Variants in DACH1 observed in about 807,000 individuals in gnomAD.
DACH1 encodes dachshund family transcription factor 1.
In DACH1, 12 loss-of-function variants were observed where a neutral mutation model predicts 54.2. The ratio of observed to expected loss-of-function variants is 0.22; its 90% CI spans 0.14 to 0.36. The LOEUF (loss-of-function observed/expected upper bound fraction) is 0.36. Ranked by LOEUF, DACH1 falls within the 10% of genes least tolerant of loss-of-function variation. DACH1 has a pLI of 1.00. For synonymous variants in DACH1, 386 were observed against 366.2 expected, an observed-to-expected ratio of 1.05 and a Z score of -0.62; for missense variants, 805 against 929.8, an observed-to-expected ratio of 0.87 and a Z score of 1.75.
chr13:71,632,255 G>C (rs1054264907), intron 2 of DACH1, among the ~76,000 whole-genome samples: 1 of 151,982 alleles, frequency 6.6e-6, no homozygotes, highest in African/African-American at 2.4e-5. Context: ...TTGAGCAGGG[G>C]AGTGGTTTGT....
intron 4 of DACH1, among the ~76,000 whole-genome samples, chr13:71,570,756 C>T (rs1256826060): frequency 6.6e-6 from 1 of 152,068 alleles, no homozygotes; most frequent in African/African-American, 2.4e-5. Context: ...TCTAGGAAAA[C>T]ACAGGAATGT....
chr13:71,636,762 A>G (rs1877516674), intron 2 of DACH1, among the ~76,000 whole-genome samples: 1 of 151,942 alleles, frequency 6.6e-6, no homozygotes, highest in South Asian at 2.1e-4. Flanking sequence ...GGTGCAATGT[A>G]TTTAGATTTC....
chr13:71,692,132 T>G (rs1247448590), intron 1 of DACH1, among the ~76,000 whole-genome samples: 2 of 152,090 alleles, frequency 1.3e-5, no homozygotes, highest in Non-Finnish European at 1.5e-5. Flanking sequence ...TAAAAGGTCA[T>G]TTATTAAAGA....
At position 71,867,005 on chromosome 13, in the gene DACH1, T is replaced by C. The variant is rs1204112801; in HGVS notation, c.-236A>G. Reference sequence around the variant, plus strand: ...CTCTGGAGAGGAACGCACAAAAGTGTCCCGCAAGTCGAAATGCGAGTCCTC... The same window carrying C: ...CTCTGGAGAGGAACGCACAAAAGTGCCCCGCAAGTCGAAATGCGAGTCCTC... On this transcript the variant is annotated 5_prime_UTR_variant, in exon 1 of 11. Transcript: ENST00000613252. 2.7e-5 allele frequency: 4 copies of C among 146,092 alleles called. No homozygotes were observed. Among genetic ancestry groups the C allele is most frequent in the Non-Finnish European group, 4.0e-5 (3 of 75,430 alleles). The allele number at this position is 146,092 out of a possible 1,614,324, so 9.0% of individuals were successfully genotyped here. A position where few individuals can be genotyped will look rare whatever the true frequency, so the allele number is the denominator to read the frequency against.
chr13:71,828,306 G>A (rs991214751), intron 1 of DACH1, among the ~76,000 whole-genome samples: 1 of 151,934 alleles, frequency 6.6e-6, no homozygotes, highest in Non-Finnish European at 1.5e-5. Flanking sequence ...ACAGGGTAAC[G>A]GAAAGGCTCG....
intron 1 of DACH1, among the ~76,000 whole-genome samples, chr13:71,726,243 A>T (rs1883464025): frequency 1.3e-5 from 2 of 152,260 alleles, no homozygotes; most frequent in South Asian, 4.1e-4. Flanking sequence ...TAATAGGGGA[A>T]AATGTGAATT....
At chr13:71,671,300 A>G (rs1284075993) in intron 2 of DACH1, among the ~76,000 whole-genome samples, 1 of 152,048 alleles carries the variant, frequency 6.6e-6, no homozygotes, top group African/African-American at 2.4e-5. Context: ...TTGGAAAAAA[A>G]AAAGTATCCG....
intron 10 of DACH1, among the ~76,000 whole-genome samples, chr13:71,455,455 A>G (rs1875481299): frequency 6.6e-6 from 1 of 152,130 alleles, no homozygotes; most frequent in African/African-American, 2.4e-5. Context: ...CTTTGATTGT[A>G]CTGGGAATAA....
At chr13:71,475,919 G>C in intron 8 of DACH1, 70 bp from the exon 9 acceptor site, 1 of 1,165,216 alleles carries the variant, frequency 8.6e-7, no homozygotes. Flanking sequence ...TTTCCAAATG[G>C]TCTATATTTT....
intron 8 of DACH1, among the ~76,000 whole-genome samples, chr13:71,476,193 C>T (rs60115229): frequency 0.029 from 4,403 of 152,190 alleles, 219 homozygotes; most frequent in African/African-American, 0.099. Flanking sequence ...AGTTCTCTGT[C>T]CTTGAATCAC....
chr13:71,519,336 T>A (rs925716773), intron 6 of DACH1, among the ~76,000 whole-genome samples: 3 of 151,784 alleles, frequency 2.0e-5, no homozygotes, highest in Non-Finnish European at 2.9e-5. Context: ...TTCAAACAAA[T>A]CACAAGTGAG....
At chr13:71,672,759 A>G (rs1391236066) in intron 2 of DACH1, among the ~76,000 whole-genome samples, 1 of 152,196 alleles carries the variant, frequency 6.6e-6, no homozygotes, top group Non-Finnish European at 1.5e-5. Context: ...AGCGAGCAAT[A>G]AAAGACAACA....
At chr13:71,518,449 C>CAACA (rs1881324754) in intron 6 of DACH1, among the ~76,000 whole-genome samples, 1 of 151,696 alleles carries the variant, frequency 6.6e-6, no homozygotes, top group African/African-American at 2.4e-5. Flanking sequence ...ATGATGACTC[C>CAACA]AACAAACTAA....
intron 1 of DACH1, among the ~76,000 whole-genome samples, chr13:71,763,872 A>G (rs775198688): frequency 1.3e-5 from 2 of 152,128 alleles, no homozygotes; most frequent in African/African-American, 2.4e-5. Flanking sequence ...TGTTATACAA[A>G]CTCACCTTTT....
At chr13:71,509,590 C>T (rs745904689) in intron 6 of DACH1, among the ~76,000 whole-genome samples, 9 of 151,986 alleles carry the variant, frequency 5.9e-5, no homozygotes, top group Admixed American at 1.3e-4. Flanking sequence ...AGGAAACAGT[C>T]GGCTTATATT....
At chr13:71,849,374 G>C (rs1594299095) in intron 1 of DACH1, among the ~76,000 whole-genome samples, 1 of 152,134 alleles carries the variant, frequency 6.6e-6, no homozygotes, top group Non-Finnish European at 1.5e-5. Flanking sequence ...CCCCTGCACA[G>C]TTTGCTATGG....
At chr13:71,680,489 A>T (rs1880834543) in intron 2 of DACH1, among the ~76,000 whole-genome samples, 1 of 152,158 alleles carries the variant, frequency 6.6e-6, no homozygotes, top group Admixed American at 6.6e-5. Context: ...CTGTAGTTAT[A>T]GCTACTCAGA....
At chr13:71,680,060 T>G (rs995263089) in intron 2 of DACH1, among the ~76,000 whole-genome samples, 1 of 152,152 alleles carries the variant, frequency 6.6e-6, no homozygotes, top group Non-Finnish European at 1.5e-5. Flanking sequence ...ATCATTCAGT[T>G]AAACATAAAT....
At chr13:71,588,360 G>A (rs995757581) in intron 3 of DACH1, among the ~76,000 whole-genome samples, 6 of 151,984 alleles carry the variant, frequency 3.9e-5, no homozygotes, top group African/African-American at 1.4e-4. Context: ...ACTTTAGTTT[G>A]TACAATTACT....
Sources: gnomAD v4.1 joint callset for allele counts (sites outside exome capture counted in the v4.1 genomes callset) on GRCh38, gnomAD v4.1.1 for gene constraint, MANE v1.5 for transcripts, NCBI Gene and HGNC (gene_info 2026-07-23, HGNC 2026-07-21) for gene names.